Variants in ASAP2 observed in about 807,000 individuals in gnomAD.
The protein encoded by ASAP2 is arf-GAP with SH3 domain, ANK repeat and PH domain-containing protein 2.
A neutral mutation model predicts 131.4 loss-of-function variants in ASAP2; 45 were observed. The observed-to-expected ratio is 0.34, with a 90% CI of 0.27 to 0.44. The LOEUF (loss-of-function observed/expected upper bound fraction) is 0.44, where lower values mean the gene tolerates loss of function less well. ASAP2 is among the 20% of genes least tolerant of loss of function. ASAP2 has a pLI of 1.00. For missense variants in ASAP2, 1,011 were observed against 1,297.0 expected (o/e 0.78, Z 3.39); for synonymous variants, 510 against 503.0 (o/e 1.01, Z -0.19).
chr2:9,400,269 T>TCCTGCCCTCTTCCC (rs1676539013), intron 25 of ASAP2, among the ~76,000 whole-genome samples, 197 bp downstream of exon 25: 1 of 24,088 alleles, frequency 4.2e-5, no homozygotes, highest in South Asian at 1.2e-3. Flanking sequence ...GCCCTCTTCC[T>TCCTGCCCTCTTCCC]CTCCTTCCTT....
chr2:9,376,072 G>A (rs916202314), intron 17 of ASAP2, among the ~76,000 whole-genome samples: 2 of 152,254 alleles, frequency 1.3e-5, no homozygotes, highest in Non-Finnish European at 2.9e-5. Flanking sequence ...TGGGCTGGCT[G>A]CCTATCAGCA....
chr2:9,207,490 C>G lies in ASAP2; in HGVS notation c.126+260C>G, dbSNP rs536310045. On this transcript the variant is annotated intron_variant, in intron 1 of 27. Transcript: ENST00000281419. This position sits in a 1 kb window ranked among gnomAD's most constrained non-coding sequence, Gnocchi z 4.1. ...GGGGTTCCGCGGCCTGGTCTTTTCC[C>G]CGCAGCGCGGCCAACTTTGTCCAGA... Among the ~76,000 whole-genome samples, 1 of 152,124 alleles carries G rather than the reference C, an allele frequency of 6.6e-6. No individual in the cohort carries two copies. Among genetic ancestry groups the G allele is most frequent in the South Asian group, 2.1e-4 (1 of 4,822 alleles).
chr2:9,350,649 C>T (rs1672267975), intron 11 of ASAP2, 159 bp from the exon 12 acceptor site: 5 of 558,592 alleles, frequency 9.0e-6, no homozygotes, highest in Non-Finnish European at 1.5e-5. Flanking sequence ...GCCTCTGTAA[C>T]TTGTCCCAGT....
rs1194418115 is a variant in ASAP2 at position 9,207,264 on chromosome 2, G to C, written c.126+34G>C. The C allele has an allele frequency of 2.0e-6, 3 of 1,510,222 alleles. No individual in the cohort carries two copies. Among genetic ancestry groups the C allele is most frequent in the African/African-American group, 1.4e-5 (1 of 70,540 alleles). 93.6% of individuals were successfully genotyped at this position (1,510,222 alleles called of 1,614,324 possible). A position where few individuals can be genotyped will look rare whatever the true frequency, so the allele number is the denominator to read the frequency against. On this transcript the variant is annotated intron_variant, in intron 1 of 27. Transcript: ENST00000281419. This position sits in a 1 kb window ranked among gnomAD's most constrained non-coding sequence, Gnocchi z 4.1. ...GCCTGCGCGGCGGCTCCGGCCGCAG[G>C]TATCCCGCGCCCCAGCCCCGCCCGC...
chr2:9,402,003 G>A (rs71437661), intron 27 of ASAP2, among the ~76,000 whole-genome samples: 2,068 of 152,344 alleles, frequency 0.014, 25 homozygotes, highest in South Asian at 0.044. Context: ...CAGTGAGGGC[G>A]GTGGATGAAC....
In ASAP2 at chr2:9,356,060, C is replaced by A; in HGVS notation, c.1125C>A (p.Tyr375Ter). ...CFDLISHDRT[Y>*]HFQAEDEQEC... Reference sequence around the variant, plus strand: ...CTTGCTATGCAGATGACAGAACTTACCACTTTCAAGCTGAAGATGAACAGG... The same window carrying A: ...CTTGCTATGCAGATGACAGAACTTAACACTTTCAAGCTGAAGATGAACAGG... Residue 375 changes from tyrosine (Y) to a stop codon, truncating the protein, a stop_gained, in exon 13 of 28, where the codon TAC becomes TAA. Transcript: ENST00000281419. LOFTEE classifies it high-confidence loss of function. The A allele has an allele frequency of 1.9e-6, 3 of 1,614,142 alleles. No individual in the cohort carries two copies. Among genetic ancestry groups the A allele is most frequent in the Non-Finnish European group, 2.5e-6 (3 of 1,180,038 alleles).
rs922914963 is a variant in ASAP2 at position 9,356,264 on chromosome 2, G to A, written c.1246G>A (p.Val416Ile). The change falls in exon 14 of 28, where the codon GTC becomes ATC. Residue 416 changes from valine to isoleucine, a missense_variant. By Grantham distance (29) the Val-to-Ile change is conservative. This residue lies in a region of ASAP2 where 359 missense variants were observed against 598.1 expected (regional missense o/e 0.60). Coordinates refer to ENST00000281419, the MANE Select transcript of ASAP2 (RefSeq NM_003887.3). The part of the protein sequence containing the change: ...GDDNTGENNI[V>I]QELTKEIISE... ...TGACAATACTGGAGAAAATAACATCGTCCAAGAACTGACAAAGGAGATCAT... is the reference window on the plus strand; with the variant it reads ...TGACAATACTGGAGAAAATAACATCATCCAAGAACTGACAAAGGAGATCAT... 3.4e-5 allele frequency: 55 copies of A among 1,613,862 alleles called. No homozygotes were observed. The highest frequency in any genetic ancestry group is 4.4e-5 in the Non-Finnish European group (52 of 1,179,964).
intron 5 of ASAP2, 126 bp downstream of exon 5, chr2:9,320,463 GT>G (rs2148503463): frequency 1.5e-6 from 1 of 675,846 alleles, no homozygotes; most frequent in South Asian, 1.9e-5. Flanking sequence ...TATCAGCCAT[GT>G]TGCTGTGGTT....
intron 1 of ASAP2, among the ~76,000 whole-genome samples, chr2:9,273,950 A>G (rs948593914): frequency 1.3e-5 from 2 of 152,212 alleles, no homozygotes; most frequent in Admixed American, 1.3e-4. Context: ...GGAAAGGGCC[A>G]TTGTCATCTT....
At chr2:9,212,042 C>A (rs778507271) in intron 1 of ASAP2, among the ~76,000 whole-genome samples, 1 of 152,130 alleles carries the variant, frequency 6.6e-6, no homozygotes, top group Non-Finnish European at 1.5e-5. Flanking sequence ...TTCCTCCCTG[C>A]CCCCTGGTGA....
chr2:9,312,068 G>T (rs1669337484), intron 3 of ASAP2, among the ~76,000 whole-genome samples: 1 of 152,158 alleles, frequency 6.6e-6, no homozygotes, highest in African/African-American at 2.4e-5. Flanking sequence ...CATTTCAAGT[G>T]TACACATCAG....
intron 15 of ASAP2, among the ~76,000 whole-genome samples, chr2:9,360,893 A>T (rs1330877615): frequency 2.0e-5 from 3 of 152,182 alleles, no homozygotes; most frequent in African/African-American, 4.8e-5. Context: ...GACTCATATG[A>T]GCTGGTAGGA....
chr2:9,258,146 C>T (rs59634883), intron 1 of ASAP2, among the ~76,000 whole-genome samples: 1 of 151,850 alleles, frequency 6.6e-6, no homozygotes, highest in African/African-American at 2.4e-5. Context: ...TTTGAGAAAT[C>T]TAAGCCAGGG....
intron 12 of ASAP2, among the ~76,000 whole-genome samples, chr2:9,354,658 A>G (rs1179997075): frequency 1.3e-5 from 2 of 151,914 alleles, no homozygotes; most frequent in Admixed American, 6.6e-5. Flanking sequence ...AAAAAAAAAA[A>G]AAAGAAAAAG....
Position 9,207,382 on chromosome 2 carries a change from C to T in ASAP2, c.126+152C>T, listed in dbSNP as rs1661192071. ...GCCCGAGACAGAAGCCCTTTGTTCC[C>T]GCCTAGGTGGCTCGGAGGAGATGGG... On this transcript the variant is annotated intron_variant, in intron 1 of 27. Coordinates refer to ENST00000281419, the MANE Select transcript of ASAP2 (RefSeq NM_003887.3). The surrounding 1 kb of genome is among the most constrained non-coding windows in gnomAD (Gnocchi z 4.1). The T allele has an allele frequency of 7.8e-6, 9 of 1,154,524 alleles. No individual in the cohort carries two copies. In the South Asian group the frequency reaches 1.4e-4, roughly 17 times the overall value. 71.5% of individuals were successfully genotyped at this position (1,154,524 alleles called of 1,614,324 possible).
Position 9,309,999 on chromosome 2 carries a change from G to C in ASAP2, c.346-8525G>C, listed in dbSNP as rs1020905852. 5.9e-5 allele frequency among the ~76,000 whole-genome samples: 9 copies of C among 152,182 alleles called. 1 individual carries two copies. Among genetic ancestry groups the C allele is most frequent in the African/African-American group, 2.2e-4 (9 of 41,444 alleles). ...AGGTGGCTGGAAGCTTCCAGCACTG[G>C]AAGGCTGTTTCACACTCTGATACCC... On this transcript the variant is annotated intron_variant, in intron 3 of 27. Transcript: ENST00000281419.
At chr2:9,323,400 C>T (rs1410096825) in intron 6 of ASAP2, 150 bp downstream of exon 6, 3 of 1,237,012 alleles carry the variant, frequency 2.4e-6, no homozygotes, top group Non-Finnish European at 3.4e-6. Flanking sequence ...ATTTCTTTTA[C>T]TAGGGAAGCG....
chr2:9,340,879 G>A (rs1251032354), intron 9 of ASAP2, among the ~76,000 whole-genome samples: 1 of 152,204 alleles, frequency 6.6e-6, no homozygotes, highest in African/African-American at 2.4e-5. Flanking sequence ...TGAGCTCTGA[G>A]AACTTGTCTG....
intron 24 of ASAP2, among the ~76,000 whole-genome samples, chr2:9,397,727 G>GATATATATATATAT (rs200560260): frequency 1.1e-4 from 9 of 83,512 alleles, no homozygotes; most frequent in African/African-American, 6.9e-4. Context: ...AAATCAAAAG[G>GATATATATATATAT]ATATATATAT....
Sources: allele counts gnomAD v4.1 joint callset (sites outside exome capture counted in the v4.1 genomes callset), GRCh38; gene constraint gnomAD v4.1.1; regional missense constraint gnomAD v4.1.1; non-coding constraint Gnocchi (gnomAD v3.1); transcripts MANE v1.5; gene names NCBI Gene and HGNC (gene_info 2026-07-23, HGNC 2026-07-21).